MLLT3: variants seen among roughly 807,000 people sequenced by gnomAD.
The protein encoded by MLLT3 is protein AF-9.
In MLLT3, 4 loss-of-function variants were observed where a neutral mutation model predicts 53.2. That is an observed-to-expected ratio of 0.08 (90% CI 0.04 to 0.17). The LOEUF (loss-of-function observed/expected upper bound fraction) is 0.17, where lower values mean the gene tolerates loss of function less well. Among genes scored for constraint, MLLT3 ranks in the 10% least tolerant of loss-of-function variants. MLLT3 has a pLI of 1.00. For missense variants in MLLT3, 569 were observed against 684.0 expected (o/e 0.83, Z 1.87); for synonymous variants, 283 against 230.6 (o/e 1.23, Z -2.06).
rs527371728 is a variant in MLLT3, at chr9:20,422,294, T to C, written c.421-7869A>G. 7.9e-5 allele frequency among the ~76,000 whole-genome samples: 12 copies of C among 152,298 alleles called. No individual in the cohort carries two copies. In the South Asian group the frequency reaches 1.7e-3, roughly 21 times the overall value. On this transcript the variant is annotated intron_variant, in intron 4 of 10. Coordinates refer to ENST00000380338, the MANE Select transcript of MLLT3 (RefSeq NM_004529.4). ...TACTTGTTTCGACTTTTGAATAATC[T>C]CCCATTTTTTAAGGTGACATTCAAC...
chr9:20,557,015 CAGA>C (rs1463599895), intron 2 of MLLT3, among the ~76,000 whole-genome samples: 1 of 152,146 alleles, frequency 6.6e-6, no homozygotes, highest in Non-Finnish European at 1.5e-5. Flanking sequence ...GACTACGATT[CAGA>C]AGAAGAACGC....
chr9:20,507,742 GAAAAA>G (rs72452530), intron 2 of MLLT3, among the ~76,000 whole-genome samples: 1 of 84,542 alleles, frequency 1.2e-5, no homozygotes, highest in Non-Finnish European at 2.5e-5. Flanking sequence ...TCCCAAAATG[GAAAAA>G]AAAAAAAAAA....
intron 6 of MLLT3, 127 bp downstream of exon 6, chr9:20,365,542 G>T: frequency 9.2e-7 from 1 of 1,091,394 alleles, no homozygotes; most frequent in Non-Finnish European, 1.3e-6. Flanking sequence ...ACTAAACACG[G>T]TTTCACCGTG....
chr9:20,592,118 T>C (rs887702571), intron 2 of MLLT3, among the ~76,000 whole-genome samples: 9 of 152,236 alleles, frequency 5.9e-5, no homozygotes, highest in African/African-American at 2.2e-4. Flanking sequence ...ACATTCTACC[T>C]ATTCCAATCA....
intron 4 of MLLT3, among the ~76,000 whole-genome samples, chr9:20,432,296 GAC>G (rs1823291198): frequency 6.6e-6 from 1 of 152,150 alleles, no homozygotes; most frequent in African/African-American, 2.4e-5. Context: ...TATTAAAAGA[GAC>G]AGAGTTTGAT....
intron 2 of MLLT3, among the ~76,000 whole-genome samples, chr9:20,536,409 T>C (rs1257031952): frequency 1.3e-5 from 2 of 152,170 alleles, no homozygotes; most frequent in Admixed American, 6.5e-5. Context: ...CAGATTTTGA[T>C]GGGTATCATT....
chr9:20,546,701 C>T (rs757546680), intron 2 of MLLT3, among the ~76,000 whole-genome samples: 1 of 152,300 alleles, frequency 6.6e-6, no homozygotes, highest in African/African-American at 2.4e-5. Context: ...CAGGAGAGGC[C>T]AACCCGGAGA....
rs148046899 is a variant in MLLT3, at chr9:20,586,153, C to CA, written c.193+34500dup. 4.7e-3 allele frequency among the ~76,000 whole-genome samples: 719 copies of CA among 151,646 alleles called. 5 individuals are homozygous for CA. Among genetic ancestry groups the CA allele is most frequent in the African/African-American group, 0.016 (669 of 41,384 alleles). ...GCAACATAGCGAGGCTTCATCTCTA[C>CA]AAAAAAAATGTTTTAAATTAGCCAG... On this transcript the variant is annotated intron_variant, in intron 2 of 10. Transcript: ENST00000380338.
chr9:20,589,489 A>T (rs2131184248), intron 2 of MLLT3, among the ~76,000 whole-genome samples: 1 of 148,694 alleles, frequency 6.7e-6, no homozygotes, highest in Admixed American at 6.7e-5. Context: ...ATGCTAGATG[A>T]CGAGTTAGTG....
In MLLT3 at chr9:20,369,499, T is replaced by C. The variant is rs147171691; in HGVS notation, c.1126-3755A>G. On this transcript the variant is annotated intron_variant, in intron 5 of 10. Coordinates refer to ENST00000380338, the MANE Select transcript of MLLT3 (RefSeq NM_004529.4). The stretch of plus-strand genomic sequence containing the variant: ...AATTGCCACTTAATGAAAACATTTA[T>C]GAAGCATGTACAACCATGTTGTGGG... Among the ~76,000 whole-genome samples the C allele has an allele frequency of 2.4e-4, 37 of 152,334 alleles. 1 individual carries two copies. The East Asian group carries it at 6.9e-3, about 29-fold the overall frequency.
intron 3 of MLLT3, among the ~76,000 whole-genome samples, chr9:20,452,705 T>C (rs2118854121): frequency 6.6e-6 from 1 of 152,050 alleles, no homozygotes; most frequent in East Asian, 1.9e-4. Flanking sequence ...ACATGAAAAA[T>C]AAAAAATATA....
intron 2 of MLLT3, among the ~76,000 whole-genome samples, chr9:20,618,089 A>G (rs1820882369): frequency 6.6e-6 from 1 of 152,212 alleles, no homozygotes; most frequent in South Asian, 2.1e-4. Flanking sequence ...AAAGTGATTT[A>G]GATTGTCACT....
intron 4 of MLLT3, among the ~76,000 whole-genome samples, chr9:20,432,055 T>C (rs550930507): frequency 6.6e-6 from 1 of 152,282 alleles, no homozygotes; most frequent in Non-Finnish European, 1.5e-5. Flanking sequence ...GTTTGTAATA[T>C]AACATTTTTA....
At chr9:20,446,875 C>T (rs1823718322) in intron 4 of MLLT3, among the ~76,000 whole-genome samples, 1 of 152,020 alleles carries the variant, frequency 6.6e-6, no homozygotes, top group Non-Finnish European at 1.5e-5. Context: ...TGTATTTCTC[C>T]CATAGAATAC....
intron 5 of MLLT3, among the ~76,000 whole-genome samples, chr9:20,398,102 T>C (rs902447296): frequency 6.6e-6 from 1 of 152,104 alleles, no homozygotes; most frequent in African/African-American, 2.4e-5. Flanking sequence ...ATATTTTTAA[T>C]TTTTAATTTT....
At chr9:20,579,691 G>A (rs931690549) in intron 2 of MLLT3, among the ~76,000 whole-genome samples, 6 of 152,164 alleles carry the variant, frequency 3.9e-5, no homozygotes, top group African/African-American at 1.4e-4. Flanking sequence ...CTTGTGGTTA[G>A]GGTAAAAGAG....
chr9:20,505,724 T>C (rs1193539296), intron 2 of MLLT3, among the ~76,000 whole-genome samples: 5 of 152,204 alleles, frequency 3.3e-5, no homozygotes, highest in African/African-American at 4.8e-5. Context: ...GTGGGCTTGA[T>C]TGCTCCAACA....
chr9:20,619,251 C>A (rs1214418393), intron 2 of MLLT3, among the ~76,000 whole-genome samples: 1 of 152,196 alleles, frequency 6.6e-6, no homozygotes, highest in Non-Finnish European at 1.5e-5. Context: ...TTCTAGCCCT[C>A]TATAAGAAAC....
intron 5 of MLLT3, among the ~76,000 whole-genome samples, chr9:20,388,646 T>C (rs1029787924): frequency 1.3e-5 from 2 of 151,724 alleles, no homozygotes; most frequent in African/African-American, 4.8e-5. Flanking sequence ...ATAAGGTAAT[T>C]GTCAAAAACA....
Sources: allele counts gnomAD v4.1 joint callset (sites outside exome capture counted in the v4.1 genomes callset), GRCh38; gene constraint gnomAD v4.1.1; transcripts MANE v1.5; gene names NCBI Gene and HGNC (gene_info 2026-07-23, HGNC 2026-07-21).